FAM120A: variants seen among roughly 807,000 people sequenced by gnomAD.
FAM120A encodes the protein constitutive coactivator of PPAR-gamma-like protein 1.
Under a neutral mutation model 109.7 loss-of-function variants are expected in FAM120A, and 15 were observed. That is an observed-to-expected ratio of 0.14 (90% CI 0.09 to 0.21). The LOEUF is 0.21. FAM120A is among the 10% of genes least tolerant of loss of function. The pLI is 1.00. For missense variants in FAM120A, 899 were observed against 1,439.3 expected (o/e 0.62, Z 6.07); for synonymous variants, 493 against 572.8 (o/e 0.86, Z 1.99).
chr9:93,549,042 C>CA (rs35925583), intron 11 of FAM120A, among the ~76,000 whole-genome samples: 24 of 150,120 alleles, frequency 1.6e-4, no homozygotes, highest in African/African-American at 2.4e-4. Context: ...GACTCCATCT[C>CA]AAAAAAAACA....
In FAM120A at chr9:93,467,252, C is replaced by A. The variant is rs576394805; in HGVS notation, c.475-3889C>A. ...CTTTGCCAGATCTGCTGTCACCCCCCCCCCCCTTTTCCCCCATTGAATAAC... is the reference window on the plus strand; with the variant it reads ...CTTTGCCAGATCTGCTGTCACCCCCACCCCCCTTTTCCCCCATTGAATAAC... On this transcript the variant is annotated intron_variant, in intron 1 of 17. Coordinates refer to ENST00000277165, the MANE Select transcript of FAM120A (RefSeq NM_014612.5). Among the ~76,000 whole-genome samples the A allele has an allele frequency of 2.3e-4, 26 of 111,850 alleles. 5 individuals carry two copies. The highest frequency in any genetic ancestry group is 7.7e-4 in the South Asian group (3 of 3,886). The allele number at this position is 111,850 out of a possible 152,430, so 73.4% of individuals were successfully genotyped here.
chr9:93,509,076 A>G (rs964372856), intron 5 of FAM120A, among the ~76,000 whole-genome samples: 3 of 152,214 alleles, frequency 2.0e-5, no homozygotes. Flanking sequence ...TCTGGTGAGA[A>G]ATCTGTAGTG....
intron 1 of FAM120A, among the ~76,000 whole-genome samples, chr9:93,465,573 C>CT (rs147946562): frequency 0.016 from 2,454 of 151,212 alleles, 68 homozygotes; most frequent in African/African-American, 0.055. Flanking sequence ...AATATTGACT[C>CT]TTTTTTTTTA....
Position 93,452,368 on chromosome 9 carries a change from G to C in FAM120A, c.453G>C (p.Ala151=), listed in dbSNP as rs1368652848. ...GCATGGCCCACTGCATCCGCCTGGC[G>C]CTCATCCGCTTCCACGTCAAGGTGA... ...PVCMAHCIRL[A]LIRFHVKVAQ... The change falls in exon 1 of 18, where the codon GCG becomes GCC. Residue 151 remains alanine, a synonymous_variant. Coordinates refer to ENST00000277165, the MANE Select transcript of FAM120A (RefSeq NM_014612.5). The surrounding 1 kb of genome is among the most constrained non-coding windows in gnomAD (Gnocchi z 7.0). 2.5e-6 allele frequency: 4 copies of C among 1,609,930 alleles called. No homozygotes were observed. The East Asian group carries it at 8.9e-5, about 36-fold the overall frequency.
At chr9:93,465,769 C>G (rs916615548) in intron 1 of FAM120A, among the ~76,000 whole-genome samples, 1 of 152,192 alleles carries the variant, frequency 6.6e-6, no homozygotes, top group African/African-American at 2.4e-5. Flanking sequence ...TGGATTTCAT[C>G]TGTTTCCCAC....
At chr9:93,506,927 C>T (rs776745153) in intron 5 of FAM120A, among the ~76,000 whole-genome samples, 4 of 152,082 alleles carry the variant, frequency 2.6e-5, no homozygotes, top group East Asian at 1.9e-4. Flanking sequence ...ATAGAAGGTG[C>T]GATGGTGACT....
chr9:93,557,886 C>G lies in FAM120A; in HGVS notation c.2544C>G (p.Phe848Leu). ...AGAGCGTCCTCGAGGGGCTCAGCTTCTCCAGGCAGAGCCACACGCTCCCTT... is the reference window on the plus strand; with the variant it reads ...AGAGCGTCCTCGAGGGGCTCAGCTTGTCCAGGCAGAGCCACACGCTCCCTT... ...MRQSVLEGLSFSRQSHTLPFP... is the reference protein window; with the variant it reads ...MRQSVLEGLSLSRQSHTLPFP... The change falls in exon 14 of 18, where the codon TTC (phenylalanine) becomes TTG (leucine). Residue 848 changes from phenylalanine (F) to leucine (L), a missense_variant. Physicochemically the swap from Phe to Leu is conservative, Grantham distance 22. Coordinates refer to ENST00000277165, the MANE Select transcript of FAM120A (RefSeq NM_014612.5). The G allele has an allele frequency of 6.2e-7, 1 of 1,613,494 alleles. No homozygotes were observed. Among genetic ancestry groups the G allele is most frequent in the Non-Finnish European group, 8.5e-7 (1 of 1,180,032 alleles).
chr9:93,460,072 C>T (rs1286343374), intron 1 of FAM120A, among the ~76,000 whole-genome samples: 3 of 152,158 alleles, frequency 2.0e-5, no homozygotes, highest in Admixed American at 1.3e-4. Context: ...CATTGTTCTT[C>T]ATTTTAGTTT....
chr9:93,537,683 G>A (rs1211686654), intron 10 of FAM120A, among the ~76,000 whole-genome samples: 1 of 151,378 alleles, frequency 6.6e-6, no homozygotes, highest in Non-Finnish European at 1.5e-5. Flanking sequence ...TTTTTTCCTG[G>A]TATAGTTTGC....
intron 7 of FAM120A, 112 bp downstream of exon 7, chr9:93,516,381 G>C (rs999337180): frequency 6.8e-7 from 1 of 1,466,842 alleles, no homozygotes; most frequent in African/African-American, 1.4e-5. Flanking sequence ...GTTTATTGCA[G>C]GTGGGTGATG....
intron 3 of FAM120A, among the ~76,000 whole-genome samples, chr9:93,488,449 C>T (rs894776591): frequency 6.6e-6 from 1 of 151,858 alleles, no homozygotes; most frequent in African/African-American, 2.4e-5. Context: ...TTTTCCTCCT[C>T]GCCTCTGTTG....
intron 5 of FAM120A, among the ~76,000 whole-genome samples, chr9:93,503,289 T>C (rs1425107628): frequency 7.9e-5 from 12 of 152,184 alleles, no homozygotes; most frequent in Admixed American, 7.9e-4. Context: ...CACACAGATA[T>C]TTAAAGCAAC....
intron 1 of FAM120A, among the ~76,000 whole-genome samples, chr9:93,467,067 C>T (rs918896850): frequency 3.9e-5 from 6 of 151,946 alleles, no homozygotes; most frequent in Non-Finnish European, 7.4e-5. Flanking sequence ...CCTGGCATCC[C>T]CTGACACCCA....
intron 5 of FAM120A, among the ~76,000 whole-genome samples, chr9:93,502,654 A>G (rs1340546732): frequency 6.6e-6 from 1 of 152,082 alleles, no homozygotes; most frequent in East Asian, 1.9e-4. Context: ...GATTTTGAAA[A>G]TAAGTGGTGG....
intron 1 of FAM120A, chr9:93,453,446 T>C (rs1378860538): frequency 1.0e-6 from 1 of 985,376 alleles, no homozygotes; most frequent in Non-Finnish European, 1.2e-6. Context: ...GGCCTTTTTG[T>C]TGTCTTAGCT....
chr9:93,507,778 A>G (rs182584438), intron 5 of FAM120A, among the ~76,000 whole-genome samples: 1 of 152,326 alleles, frequency 6.6e-6, no homozygotes, highest in East Asian at 1.9e-4. Context: ...GGAGCTCCCA[A>G]ACCTTGTGTA....
chr9:93,531,792 A>T, intron 9 of FAM120A, among the ~76,000 whole-genome samples: 1 of 152,250 alleles, frequency 6.6e-6, no homozygotes, highest in Non-Finnish European at 1.5e-5. Flanking sequence ...GCATGTGACC[A>T]TCCCAACTCT....
intron 10 of FAM120A, among the ~76,000 whole-genome samples, chr9:93,541,041 G>T (rs1470787770): frequency 2.0e-5 from 3 of 149,448 alleles, no homozygotes; most frequent in Non-Finnish European, 4.4e-5. Flanking sequence ...TGTGTGTGGG[G>T]TATGTTTCAG....
intron 3 of FAM120A, among the ~76,000 whole-genome samples, chr9:93,486,415 G>T (rs781553671): frequency 6.6e-6 from 1 of 151,992 alleles, no homozygotes; most frequent in African/African-American, 2.4e-5. Flanking sequence ...GAACATTTGT[G>T]TATAAGTTTT....
Sources: allele counts gnomAD v4.1 joint callset (sites outside exome capture counted in the v4.1 genomes callset), GRCh38; gene constraint gnomAD v4.1.1; non-coding constraint Gnocchi (gnomAD v3.1); transcripts MANE v1.5; gene names NCBI Gene and HGNC (gene_info 2026-07-23, HGNC 2026-07-21).